The following IDH2 variants were observed in gnomAD, a reference collection of about 807,000 sequenced individuals.
The protein encoded by IDH2 is isocitrate dehydrogenase [NADP], mitochondrial.
A neutral mutation model predicts 50.5 loss-of-function variants in IDH2; 18 were observed. The observed-to-expected ratio is 0.36, with a 90% CI of 0.25 to 0.53. The LOEUF (loss-of-function observed/expected upper bound fraction) is 0.53. IDH2 is among the 20% of genes least tolerant of loss of function. IDH2 has a pLI of 0.92. For missense variants in IDH2, 518 were observed against 610.7 expected (o/e 0.85, Z 1.60); for synonymous variants, 280 against 239.8 (o/e 1.17, Z -1.55).
rs1900843358 is a variant in IDH2, at chr15:90,085,717, C to T, written c.968-330G>A. Among the ~76,000 whole-genome samples, 2 of 152,240 alleles carry T rather than the reference C, an allele frequency of 1.3e-5. No individual in the cohort carries two copies. The highest frequency in any genetic ancestry group is 4.8e-5 in the African/African-American group (2 of 41,470). On this transcript the variant is annotated intron_variant, in intron 7 of 10. Coordinates refer to ENST00000330062, the MANE Select transcript of IDH2 (RefSeq NM_002168.4). The surrounding 1 kb of genome is among the most constrained non-coding windows in gnomAD (Gnocchi z 5.5). The stretch of plus-strand genomic sequence containing the variant: ...AGTCCTGTGGTCCCCCACAGCCTGC[C>T]ACCCAGCCTGGCTCGTGACCCGGAG...
At position 90,087,214 on chromosome 15, in the gene IDH2, GC is replaced by G. The variant is rs752451868; in HGVS notation, c.864del (p.Leu289SerfsTer41). The G allele has an allele frequency of 6.2e-7, 1 of 1,614,152 alleles. No individual in the cohort carries two copies. ...ACCTGAGCCACCATGTCATCAATGAGCCGGTGCTCATACCAGATCTTATTCT... is the reference window on the plus strand; with the variant it reads ...ACCTGAGCCACCATGTCATCAATGAGCGGTGCTCATACCAGATCTTATTCT... Reference protein sequence around the residue: ...FDKNKIWYEHRLIDDMVAQVL... With the variant: ...FDKNKIWYEHXLIDDMVAQVL... On this transcript the variant is annotated frameshift_variant, in exon 7 of 11. Coordinates refer to ENST00000330062, the MANE Select transcript of IDH2 (RefSeq NM_002168.4). LOFTEE classifies it high-confidence loss of function.
rs1391595408 is a variant in IDH2 at position 90,090,633 on chromosome 15, G to C, written c.219C>G (p.Pro73=). 1.9e-6 allele frequency: 3 copies of C among 1,614,070 alleles called. No homozygotes were observed. Among genetic ancestry groups the C allele is most frequent in the Non-Finnish European group, 2.5e-6 (3 of 1,180,028 alleles). The part of the protein sequence containing the change: ...WQFIKEKLIL[P]HVDIQLKYFD... ...AATACTTTAGCTGGATGTCCACGTG[G>C]GGCAGGATGAGCTGGGGACAGAGGG... The change falls in exon 3 of 11, where the codon CCC becomes CCG. Residue 73 remains proline (P), a synonymous_variant. Coordinates refer to ENST00000330062, the MANE Select transcript of IDH2 (RefSeq NM_002168.4).
intron 5 of IDH2, among the ~76,000 whole-genome samples, chr15:90,087,806 C>CGTT (rs1900907178): frequency 8.4e-6 from 1 of 119,368 alleles, no homozygotes; most frequent in Admixed American, 8.6e-5. Flanking sequence ...AAAACACCGC[C>CGTT]TTTTTTTTTT....
rs921753425 is a variant in IDH2, at chr15:90,092,711, G to C, written c.116-1067C>G. 6.6e-5 allele frequency among the ~76,000 whole-genome samples: 10 copies of C among 152,252 alleles called. No individual in the cohort carries two copies. In the East Asian group the frequency reaches 1.9e-3, roughly 29 times the overall value. On this transcript the variant is annotated intron_variant, in intron 1 of 10. Coordinates refer to ENST00000330062, the MANE Select transcript of IDH2 (RefSeq NM_002168.4). ...CGGGCCTCAGCCTCCCAAGTAGCGG[G>C]GATTTCAGGTGTGCACCACAACACC...
chr15:90,088,084 ATTTCTTTTCTTTTCT>A (rs374137419), intron 5 of IDH2, among the ~76,000 whole-genome samples: 3 of 151,760 alleles, frequency 2.0e-5, no homozygotes, highest in African/African-American at 7.3e-5. Flanking sequence ...GCTCGTGGCC[ATTTCTTTTCTTTTCT>A]TTTCTTTTCT....
At chr15:90,093,576 A>G (rs1396806677) in intron 1 of IDH2, among the ~76,000 whole-genome samples, 1 of 152,038 alleles carries the variant, frequency 6.6e-6, no homozygotes, top group Non-Finnish European at 1.5e-5. Flanking sequence ...AACCCCAAGG[A>G]GGTATCATTA....
chr15:90,089,803 G>A (rs556884003), intron 3 of IDH2, among the ~76,000 whole-genome samples: 2 of 152,300 alleles, frequency 1.3e-5, no homozygotes, highest in South Asian at 2.1e-4. Context: ...CCTCGAGAGC[G>A]GCCCCAACAG....
At chr15:90,088,174 A>G (rs1254232447) in intron 5 of IDH2, among the ~76,000 whole-genome samples, 185 bp downstream of exon 5, 1 of 151,948 alleles carries the variant, frequency 6.6e-6, no homozygotes, top group Non-Finnish European at 1.5e-5. Flanking sequence ...GTCTCAAGCA[A>G]TCCTGCCTTG....
At chr15:90,087,344 C>T in intron 6 of IDH2, 81 bp from the exon 7 acceptor site, 1 of 1,612,378 alleles carries the variant, frequency 6.2e-7, no homozygotes, top group Non-Finnish European at 8.5e-7. Context: ...CGGAGCTGAG[C>T]CAAATGCACT....
rs73469823 is a variant in IDH2 at position 90,086,964 on chromosome 15, C to T, written c.967+148G>A. 5.8e-4 allele frequency: 469 copies of T among 809,626 alleles called. 1 individual carries two copies. The African/African-American group carries it at 6.4e-3, about 11-fold the overall frequency. 50.2% of individuals were successfully genotyped at this position (809,626 alleles called of 1,614,324 possible). ...TTGTGATCCTCTCTCACTCAGATGCCAGGGAGCTCCTGCCCCCTGCTGTCC... is the reference window on the plus strand; with the variant it reads ...TTGTGATCCTCTCTCACTCAGATGCTAGGGAGCTCCTGCCCCCTGCTGTCC... On this transcript the variant is annotated intron_variant, in intron 7 of 10. Transcript: ENST00000330062.
At chr15:90,093,110 C>T (rs1048063068) in intron 1 of IDH2, among the ~76,000 whole-genome samples, 3 of 152,248 alleles carry the variant, frequency 2.0e-5, no homozygotes, top group African/African-American at 7.2e-5. Context: ...GCTGCCTCAT[C>T]CAGCACCAAA....
At chr15:90,099,664 C>A (rs1901279525) in intron 1 of IDH2, among the ~76,000 whole-genome samples, 1 of 152,056 alleles carries the variant, frequency 6.6e-6, no homozygotes, top group Non-Finnish European at 1.5e-5. Context: ...CACTATATTG[C>A]CCAGGCTGGT....
In IDH2 at chr15:90,088,486, A is replaced by C. The variant is rs1472432441; in HGVS notation, c.551T>G (p.Phe184Cys). The C allele has an allele frequency of 6.2e-7, 1 of 1,614,002 alleles. No homozygotes were observed. Reference protein sequence around the residue: ...AHGDQYKATDFVADRAGTFKM... With the variant: ...AHGDQYKATDCVADRAGTFKM... ...GAAAGTGCCGGCCCGGTCTGCCACA[A>C]AGTCTGTGGCCTTGTACTGCAGAGA... The change falls in exon 5 of 11, where the codon TTT becomes TGT. Residue 184 changes from phenylalanine (F) to cysteine (C), a missense_variant. This residue lies in a region of IDH2 where 207 missense variants were observed against 208.6 expected (regional missense o/e 0.99). Transcript: ENST00000330062.
In IDH2 at chr15:90,100,735, G is replaced by A. The variant is rs1045791695; in HGVS notation, c.115+1541C>T. Reference sequence around the variant, plus strand: ...TGCCAAGTATTCTGTCTCCAGCTGCGTTGCCAGGTAACAAGCTGGCAGAGT... The same window carrying A: ...TGCCAAGTATTCTGTCTCCAGCTGCATTGCCAGGTAACAAGCTGGCAGAGT... On this transcript the variant is annotated intron_variant, in intron 1 of 10. Coordinates refer to ENST00000330062, the MANE Select transcript of IDH2 (RefSeq NM_002168.4). The surrounding 1 kb of genome is among the most constrained non-coding windows in gnomAD (Gnocchi z 4.1). 5 of 791,538 alleles carry A rather than the reference G, an allele frequency of 6.3e-6. No homozygotes were observed. Among genetic ancestry groups the A allele is most frequent in the East Asian group, 1.3e-4 (1 of 7,922 alleles). The allele number at this position is 791,538 out of a possible 1,614,324, so 49.0% of individuals were successfully genotyped here. A position where few individuals can be genotyped will look rare whatever the true frequency, so the allele number is the denominator to read the frequency against.
At position 90,102,314 on chromosome 15, in the gene IDH2, AG is replaced by A; in HGVS notation, c.76del (p.Leu26Ter). 1 of 1,356,252 alleles carries A rather than the reference AG, an allele frequency of 7.4e-7. No individual in the cohort carries two copies. Among genetic ancestry groups the A allele is most frequent in the Non-Finnish European group, 9.6e-7 (1 of 1,043,732 alleles). The allele number at this position is 1,356,252 out of a possible 1,614,324, so 84.0% of individuals were successfully genotyped here. A position where few individuals can be genotyped will look rare whatever the true frequency, so the allele number is the denominator to read the frequency against. ...CTGCTCTTGCGAGGTGGGGGCTGTCAGGGCCGCCGGCGCCCAGGCCGGCCGC... is the reference window on the plus strand; with the variant it reads ...CTGCTCTTGCGAGGTGGGGGCTGTCAGGCCGCCGGCGCCCAGGCCGGCCGC... ...GSRPAWAPAA[L>X]TAPTSQEQPR... On this transcript the variant is annotated frameshift_variant, in exon 1 of 11. Transcript: ENST00000330062. LOFTEE classifies it high-confidence loss of function.
In IDH2 at chr15:90,098,166, T is replaced by C. The variant is rs531297645; in HGVS notation, c.115+4110A>G. ...CCACCACGAATCTTCAGCTGATGCATTGCACAAACACTGTCCTCTTGGCGA... is the reference window on the plus strand; with the variant it reads ...CCACCACGAATCTTCAGCTGATGCACTGCACAAACACTGTCCTCTTGGCGA... On this transcript the variant is annotated intron_variant, in intron 1 of 10. Coordinates refer to ENST00000330062, the MANE Select transcript of IDH2 (RefSeq NM_002168.4). This position sits in a 1 kb window ranked among gnomAD's most constrained non-coding sequence, Gnocchi z 5.1. Among the ~76,000 whole-genome samples, 28 of 152,324 alleles carry C rather than the reference T, an allele frequency of 1.8e-4. No homozygotes were observed. Among genetic ancestry groups the C allele is most frequent in the Admixed American group, 1.5e-3 (23 of 15,304 alleles).
chr15:90,096,097 G>C (rs548499140), intron 1 of IDH2, among the ~76,000 whole-genome samples: 1 of 152,270 alleles, frequency 6.6e-6, no homozygotes, highest in African/African-American at 2.4e-5. Flanking sequence ...AGGAGTTCGA[G>C]ACCAGCCTGG....
intron 1 of IDH2, among the ~76,000 whole-genome samples, chr15:90,093,249 A>C (rs1459219208): frequency 6.6e-6 from 1 of 152,220 alleles, no homozygotes; most frequent in Non-Finnish European, 1.5e-5. Flanking sequence ...AGCCAGGCTC[A>C]GACTCCGGGG....
Position 90,102,332 on chromosome 15 carries a change from GC to G in IDH2, c.58del (p.Ala20ProfsTer7). The G allele has an allele frequency of 7.3e-7, 1 of 1,364,680 alleles. No homozygotes were observed. The allele number at this position is 1,364,680 out of a possible 1,614,324, so 84.5% of individuals were successfully genotyped here. ...SLCRASGSRP[A>X]WAPAALTAPT... ...GGCTGTCAGGGCCGCCGGCGCCCAG[GC>G]CGGCCGCGAGCCTGAGGCTCTGCAG... On this transcript the variant is annotated frameshift_variant, in exon 1 of 11. Transcript: ENST00000330062. LOFTEE classifies it high-confidence loss of function.
Sources: gnomAD v4.1 joint callset for allele counts (sites outside exome capture counted in the v4.1 genomes callset) on GRCh38, gnomAD v4.1.1 for gene constraint, gnomAD v4.1.1 regional missense constraint, Gnocchi (gnomAD v3.1) non-coding constraint, MANE v1.5 for transcripts, NCBI Gene and HGNC (gene_info 2026-07-23, HGNC 2026-07-21) for gene names.